VWC2L: variants seen among roughly 807,000 people sequenced by gnomAD.
VWC2L encodes the protein von Willebrand factor C domain-containing protein 2-like.
Under a neutral mutation model 21.6 loss-of-function variants are expected in VWC2L, and 10 were observed. The ratio of observed to expected loss-of-function variants is 0.46; its 90% confidence interval spans 0.29 to 0.78. VWC2L has a LOEUF of 0.78. Ranked by LOEUF, VWC2L falls within the 30% of genes least tolerant of loss-of-function variation. The pLI is 0.10. For missense variants in VWC2L, 209 were observed against 277.1 expected (o/e 0.75, Z 1.74); for synonymous variants, 96 against 94.3 (o/e 1.02, Z -0.10).
intron 3 of VWC2L, among the ~76,000 whole-genome samples, chr2:214,573,918 A>G (rs1023593193): frequency 1.3e-5 from 2 of 152,236 alleles, no homozygotes; most frequent in African/African-American, 4.8e-5. Context: ...AGGCAGGTGG[A>G]TCGCCTGAGG....
At chr2:214,538,953 A>C (rs997163028) in intron 3 of VWC2L, among the ~76,000 whole-genome samples, 1 of 151,998 alleles carries the variant, frequency 6.6e-6, no homozygotes, top group East Asian at 1.9e-4. Context: ...TTGGGGAAAA[A>C]CCCTCATAAT....
intron 3 of VWC2L, among the ~76,000 whole-genome samples, chr2:214,511,685 T>C (rs907301463): frequency 6.6e-6 from 1 of 152,078 alleles, no homozygotes; most frequent in East Asian, 1.9e-4. Context: ...TATTTCGTTA[T>C]GGCAGTCTGA....
At chr2:214,553,667 G>A (rs1689831053) in intron 3 of VWC2L, among the ~76,000 whole-genome samples, 1 of 152,118 alleles carries the variant, frequency 6.6e-6, no homozygotes, top group Non-Finnish European at 1.5e-5. Context: ...CAGTCTTAAT[G>A]TCTCTATATT....
intron 3 of VWC2L, among the ~76,000 whole-genome samples, chr2:214,533,092 C>T (rs150957557): frequency 8.5e-4 from 130 of 152,110 alleles, no homozygotes; most frequent in African/African-American, 2.9e-3. Context: ...AAAATTCTGC[C>T]TACATCACCA....
At chr2:214,464,133 A>T (rs570866685) in intron 3 of VWC2L, among the ~76,000 whole-genome samples, 1 of 151,810 alleles carries the variant, frequency 6.6e-6, no homozygotes, top group South Asian at 2.1e-4. Flanking sequence ...TATCTTTATC[A>T]CTCTGAGATT....
intron 3 of VWC2L, among the ~76,000 whole-genome samples, chr2:214,505,950 A>C (rs1688961989): frequency 1.3e-5 from 2 of 152,112 alleles, no homozygotes; most frequent in South Asian, 4.1e-4. Flanking sequence ...CAGGGGCCAA[A>C]GGGGTAGCCG....
At chr2:214,510,633 A>G (rs2105905374) in intron 3 of VWC2L, among the ~76,000 whole-genome samples, 1 of 152,356 alleles carries the variant, frequency 6.6e-6, no homozygotes, top group Admixed American at 6.5e-5. Flanking sequence ...TTTTAAACTT[A>G]GGACTTCTCC....
At chr2:214,478,909 C>T (rs1688563476) in intron 3 of VWC2L, among the ~76,000 whole-genome samples, 1 of 152,206 alleles carries the variant, frequency 6.6e-6, no homozygotes, top group South Asian at 2.1e-4. Flanking sequence ...TTCCCAGATG[C>T]AGGAAAACAT....
At chr2:214,420,509 T>C (rs1432748812) in intron 2 of VWC2L, among the ~76,000 whole-genome samples, 1 of 152,140 alleles carries the variant, frequency 6.6e-6, no homozygotes, top group Non-Finnish European at 1.5e-5. Flanking sequence ...CGAGTGTCTA[T>C]GAAAAGCACA....
chr2:214,544,236 G>A (rs1295741893), intron 3 of VWC2L, among the ~76,000 whole-genome samples: 2 of 152,132 alleles, frequency 1.3e-5, no homozygotes, highest in African/African-American at 4.8e-5. Flanking sequence ...TGAATTCTCT[G>A]GGCATTTATC....
chr2:214,413,968 T>C, intron 1 of VWC2L, 146 bp from the exon 2 acceptor site: 1 of 465,508 alleles, frequency 2.1e-6, no homozygotes, highest in Non-Finnish European at 3.7e-6. Flanking sequence ...AACCTCACAA[T>C]AAGGCACAGA....
At chr2:214,471,236 T>G (rs888282317) in intron 3 of VWC2L, among the ~76,000 whole-genome samples, 5 of 152,132 alleles carry the variant, frequency 3.3e-5, no homozygotes, top group African/African-American at 7.2e-5. Flanking sequence ...TGCTTCCTGC[T>G]AGAGATTGCA....
chr2:214,471,467 G>C (rs1389993332), intron 3 of VWC2L, among the ~76,000 whole-genome samples: 1 of 152,136 alleles, frequency 6.6e-6, no homozygotes, highest in African/African-American at 2.4e-5. Context: ...AACATTTTAG[G>C]GGTAGCTATG....
chr2:214,515,823 G>A (rs538567807), intron 3 of VWC2L, among the ~76,000 whole-genome samples: 5 of 152,308 alleles, frequency 3.3e-5, no homozygotes, highest in South Asian at 2.1e-4. Context: ...CCAAAGTGCT[G>A]GGATTACAGG....
intron 3 of VWC2L, among the ~76,000 whole-genome samples, chr2:214,527,645 C>T (rs1209042092): frequency 6.6e-6 from 1 of 152,118 alleles, no homozygotes; most frequent in Non-Finnish European, 1.5e-5. Context: ...TTCCATCTTA[C>T]CATCTGAGCT....
At chr2:214,482,446 A>T (rs1159569231) in intron 3 of VWC2L, among the ~76,000 whole-genome samples, 2 of 151,486 alleles carry the variant, frequency 1.3e-5, no homozygotes, top group African/African-American at 4.9e-5. Flanking sequence ...AAACTGGTAA[A>T]ATATATATAT....
chr2:214,449,242 T>C (rs748428681), intron 3 of VWC2L, among the ~76,000 whole-genome samples: 7 of 152,206 alleles, frequency 4.6e-5, no homozygotes, highest in Non-Finnish European at 7.3e-5. Context: ...TACCTAGATA[T>C]ACACTGTGGT....
At chr2:214,469,450 C>T (rs1703271434) in intron 3 of VWC2L, among the ~76,000 whole-genome samples, 1 of 152,086 alleles carries the variant, frequency 6.6e-6, no homozygotes, top group African/African-American at 2.4e-5. Flanking sequence ...ATACAAAAAG[C>T]CGCGTGTGGT....
chr2:214,467,634 G>C (rs1703238576), intron 3 of VWC2L, among the ~76,000 whole-genome samples: 1 of 152,096 alleles, frequency 6.6e-6, no homozygotes, highest in Non-Finnish European at 1.5e-5. Flanking sequence ...CCAGCTGGAA[G>C]AGCATACTTT....
Sources: allele counts gnomAD v4.1 joint callset (sites outside exome capture counted in the v4.1 genomes callset), GRCh38; gene constraint gnomAD v4.1.1; transcripts MANE v1.5; gene names NCBI Gene and HGNC (gene_info 2026-07-23, HGNC 2026-07-21).